Variants in HEPH observed in about 807,000 individuals in gnomAD.
HEPH encodes hephaestin.
In HEPH, 69 loss-of-function variants were observed where a neutral mutation model predicts 80.8. The ratio of observed to expected loss-of-function variants is 0.85; its 90% CI spans 0.70 to 1.04. HEPH has a LOEUF of 1.04. Ranked by LOEUF, HEPH falls within the 50% of genes least tolerant of loss-of-function variation. HEPH has a pLI of 0.00. For missense variants in HEPH, 1,115 were observed against 891.3 expected (o/e 1.25, Z -3.20); for synonymous variants, 431 against 322.8 (o/e 1.34, Z -3.60).
chrX:66,189,981 T>C (rs1454043626), intron 6 of HEPH, 43 bp downstream of exon 6: 2 of 1,131,332 alleles, frequency 1.8e-6, no homozygotes, highest in South Asian at 4.2e-5. Flanking sequence ...AAGAGAGAGG[T>C]ATGATAATGG....
chrX:66,262,912 G>C (rs920375957), intron 19 of HEPH, among the ~76,000 whole-genome samples: 3 of 111,547 alleles, frequency 2.7e-5, no homozygotes, highest in Non-Finnish European at 3.8e-5. Context: ...TTGATAACAA[G>C]GTTAATGTGA....
chrX:66,263,841 C>T (rs760816899), intron 20 of HEPH, among the ~76,000 whole-genome samples, 153 bp downstream of exon 20: 1 of 110,901 alleles, frequency 9.0e-6, no homozygotes, highest in Non-Finnish European at 1.9e-5. Flanking sequence ...CTTCAGAAGC[C>T]AAAGAACCAA....
chrX:66,254,821 A>G (rs1292021427), intron 15 of HEPH, among the ~76,000 whole-genome samples: 1 of 102,220 alleles, frequency 9.8e-6, no homozygotes, highest in African/African-American at 3.6e-5. Context: ...AGAGGATTGG[A>G]CCTGGGCCTT....
At chrX:66,238,079 C>T (rs964609910) in intron 15 of HEPH, among the ~76,000 whole-genome samples, 1 of 111,597 alleles carries the variant, frequency 9.0e-6, no homozygotes, top group Non-Finnish European at 1.9e-5. Flanking sequence ...CAGCTTGCCA[C>T]TTTGTGTCTT....
intron 15 of HEPH, among the ~76,000 whole-genome samples, chrX:66,216,892 A>G (rs1026436371): frequency 8.9e-6 from 1 of 111,780 alleles, no homozygotes; most frequent in Non-Finnish European, 1.9e-5. Flanking sequence ...GTATGACAAA[A>G]TGCACTGAAA....
At chrX:66,196,319 A>G (rs1423088677) in intron 9 of HEPH, among the ~76,000 whole-genome samples, 1 of 111,792 alleles carries the variant, frequency 8.9e-6, no homozygotes. Flanking sequence ...GAGTAGATAA[A>G]TAAAGATGGC....
intron 15 of HEPH, among the ~76,000 whole-genome samples, chrX:66,212,692 A>C (rs2089192473): frequency 8.9e-6 from 1 of 111,803 alleles, no homozygotes; most frequent in Admixed American, 9.5e-5. Context: ...CTATTTTTAT[A>C]CCATGCTGTT....
chrX:66,203,469 G>A lies in HEPH; in HGVS notation c.2183G>A (p.Arg728His), dbSNP rs754144345. The A allele has an allele frequency of 5.8e-6, 7 of 1,210,836 alleles. No individual in the cohort carries two copies. Among genetic ancestry groups the A allele is most frequent in the East Asian group, 3.0e-5 (1 of 33,813 alleles). ...CPGHQATPRQRYQAARIYYIM... is the reference protein window; with the variant it reads ...CPGHQATPRQHYQAARIYYIM... ...GGCCACCAAGCCACCCCTCGCCAAC[G>A]CTACCAAGCTGCAAGAATCTACTAT... Residue 728 changes from arginine (R) to histidine (H), a missense_variant, in exon 13 of 21, where the codon CGC (arginine) becomes CAC (histidine). By Grantham distance (29) the Arg-to-His change is conservative. Transcript: ENST00000343002.
intron 15 of HEPH, among the ~76,000 whole-genome samples, chrX:66,228,244 T>C (rs1267556330): frequency 8.9e-6 from 1 of 112,326 alleles, no homozygotes. Flanking sequence ...TGAGACAGTA[T>C]GGAGGAAAGC....
chrX:66,188,264 C>T, intron 4 of HEPH, 95 bp from the exon 5 acceptor site: 4 of 597,229 alleles, frequency 6.7e-6, no homozygotes, highest in Non-Finnish European at 7.6e-6. Context: ...TTCTTAAGAC[C>T]CCTCTCTTTC....
rs180905748 is a variant in HEPH at position 66,237,186 on chromosome X, G to A, written c.2564-17849G>A. On this transcript the variant is annotated intron_variant, in intron 15 of 20. Coordinates refer to ENST00000343002, the MANE Select transcript of HEPH (RefSeq NM_001367233.3). Reference sequence around the variant, plus strand: ...AGCTTTGGGATTGTTTTTTTCTTGTGCTTCTTTAGTTCTTTTAGTTGTGAT... The same window carrying A: ...AGCTTTGGGATTGTTTTTTTCTTGTACTTCTTTAGTTCTTTTAGTTGTGAT... 4.8e-5 allele frequency among the ~76,000 whole-genome samples: 5 copies of A among 104,106 alleles called. No individual in the cohort carries two copies. The Admixed American group carries it at 5.2e-4, about 11-fold the overall frequency. The allele number at this position is 104,106 out of a possible 115,157, so 90.4% of individuals were successfully genotyped here.
At chrX:66,219,995 C>T (rs1053714033) in intron 15 of HEPH, among the ~76,000 whole-genome samples, 14 of 111,361 alleles carry the variant, frequency 1.3e-4, no homozygotes, top group African/African-American at 2.9e-4. Flanking sequence ...AGTTTTTGCC[C>T]GAGGCAGCTG....
chrX:66,213,398 A>G (rs2089240127), intron 15 of HEPH, among the ~76,000 whole-genome samples: 1 of 111,721 alleles, frequency 9.0e-6, no homozygotes, highest in East Asian at 2.8e-4. Flanking sequence ...AAGACTTGGA[A>G]CCAACCCAAA....
intron 11 of HEPH, among the ~76,000 whole-genome samples, chrX:66,199,699 C>A (rs776144299): frequency 8.9e-6 from 1 of 111,888 alleles, no homozygotes; most frequent in East Asian, 2.8e-4. Context: ...CAATCCATGG[C>A]AACTGATACT....
intron 6 of HEPH, among the ~76,000 whole-genome samples, chrX:66,191,847 CTG>C (rs1432109606): frequency 9.0e-6 from 1 of 111,387 alleles, no homozygotes; most frequent in East Asian, 2.8e-4. Flanking sequence ...ACTTCTGTCT[CTG>C]TGATGTTGCT....
At chrX:66,237,090 AT>A (rs1347491546) in intron 15 of HEPH, among the ~76,000 whole-genome samples, 18 of 107,807 alleles carry the variant, frequency 1.7e-4, no homozygotes, top group Non-Finnish European at 2.5e-4. Context: ...AATCTTTTGA[AT>A]TTTTTTTTGT....
intron 8 of HEPH, 57 bp from the exon 9 acceptor site, chrX:66,195,041 C>T (rs1376552602): frequency 3.0e-6 from 3 of 990,490 alleles, no homozygotes; most frequent in South Asian, 3.2e-5. Context: ...CTTCCATTTC[C>T]TTCCTCCCTG....
intron 15 of HEPH, among the ~76,000 whole-genome samples, chrX:66,252,604 A>G (rs2091041313): frequency 8.9e-6 from 1 of 111,983 alleles, no homozygotes; most frequent in Non-Finnish European, 1.9e-5. Flanking sequence ...AAGGTATGAC[A>G]TGAACAAAGA....
Position 66,173,765 on chromosome X carries a change from A to T in HEPH, c.589A>T (p.Thr197Ser), listed in dbSNP as rs1173926854. Residue 197 changes from threonine (T) to serine (S), a missense_variant, in exon 4 of 21, where the codon ACT (threonine) becomes TCT (serine). Physicochemically the swap from Thr to Ser is moderately conservative, Grantham distance 58. Coordinates refer to ENST00000343002, the MANE Select transcript of HEPH (RefSeq NM_001367233.3). ...SHVDAPRDIA[T>S]GLIGPLITCK... ...TGTAGATGCTCCACGAGACATTGCA[A>T]CTGGCCTAATTGGGCCTCTCATCAC... The T allele has an allele frequency of 8.3e-7, 1 of 1,201,928 alleles. No individual in the cohort carries two copies.
Sources: gnomAD v4.1 joint callset for allele counts (sites outside exome capture counted in the v4.1 genomes callset) on GRCh38, gnomAD v4.1.1 for gene constraint, MANE v1.5 for transcripts, NCBI Gene and HGNC (gene_info 2026-07-23, HGNC 2026-07-21) for gene names.